TUBGCP5: variants seen among roughly 807,000 people sequenced by gnomAD.
The protein encoded by TUBGCP5 is gamma-tubulin complex component 5.
TUBGCP5 carries 98 observed loss-of-function variants against 134.7 expected under a neutral mutation model. The observed-to-expected ratio is 0.73, with a 90% CI of 0.62 to 0.86. The LOEUF is 0.86. TUBGCP5 is among the 40% of genes least tolerant of loss of function. TUBGCP5 has a pLI of 0.00. For missense variants in TUBGCP5, 1,150 were observed against 1,244.8 expected, an observed-to-expected ratio of 0.92 and a Z score of 1.15; for synonymous variants, 456 against 431.4, an observed-to-expected ratio of 1.06 and a Z score of -0.71.
At chr15:23,014,367 G>T (rs2065201457) in intron 13 of TUBGCP5, among the ~76,000 whole-genome samples, 1 of 152,204 alleles carries the variant, frequency 6.6e-6, no homozygotes, top group Non-Finnish European at 1.5e-5. Context: ...AGCCCCATAG[G>T]CAGCGCCTGG....
downstream of TUBGCP5, among the ~76,000 whole-genome samples, chr15:22,998,875 C>T (rs923012577): frequency 2.6e-5 from 4 of 152,154 alleles, no homozygotes; most frequent in African/African-American, 4.8e-5. Context: ...CCTCGGCCTC[C>T]CAAAGTGCTG....
Position 23,019,271 on chromosome 15 carries a change from A to G in TUBGCP5, c.1435T>C (p.Trp479Arg). The G allele has an allele frequency of 6.2e-7, 1 of 1,613,936 alleles. No individual in the cohort carries two copies. Among genetic ancestry groups the G allele is most frequent in the Non-Finnish European group, 8.5e-7 (1 of 1,179,966 alleles). ...TCCCACAGGTGCCCGTGCACGATCC[A>G]CTCGTCCACCGTCTGCAGGTAAGGC... ...VRPYLQTVDEWIVHGHLWDGA... is the reference protein window; with the variant it reads ...VRPYLQTVDERIVHGHLWDGA... Residue 479 changes from tryptophan (W) to arginine (R), a missense_variant, in exon 12 of 23, where the codon TGG becomes CGG. Around this residue, in one of 2 missense-constraint regions of TUBGCP5, gnomAD observed 697 missense variants for 850.1 expected, o/e 0.82. Coordinates refer to ENST00000615383, the MANE Select transcript of TUBGCP5 (RefSeq NM_052903.6).
intron 8 of TUBGCP5, among the ~76,000 whole-genome samples, chr15:23,025,760 G>A (rs1352509792): frequency 6.6e-6 from 1 of 151,652 alleles, no homozygotes; most frequent in African/African-American, 2.4e-5. Flanking sequence ...GAACCCAGGA[G>A]GTGAAGCTTG....
At chr15:22,984,988 G>C (rs112031307) in intron 23 of TUBGCP5, among the ~76,000 whole-genome samples, 102 of 152,248 alleles carry the variant, frequency 6.7e-4, no homozygotes, top group Middle Eastern at 3.4e-3. Context: ...CAGACAGAGA[G>C]TTTGTGTCCA....
At chr15:22,983,584 G>C (rs968301724) in exon 24 of TUBGCP5, 2 of 152,054 alleles carry the variant, frequency 1.3e-5, no homozygotes, top group African/African-American at 4.8e-5. Flanking sequence ...CTGGGCGATA[G>C]AGTGAGACTC....
At chr15:23,000,360 T>C in intron 22 of TUBGCP5, 1 of 1,295,502 alleles carries the variant, frequency 7.7e-7, no homozygotes, top group Non-Finnish European at 9.8e-7. Flanking sequence ...ATAAATGGTA[T>C]ACCAGAAAGT....
intron 1 of TUBGCP5, among the ~76,000 whole-genome samples, chr15:23,037,620 T>C (rs922972236): frequency 2.0e-5 from 3 of 152,240 alleles, no homozygotes; most frequent in African/African-American, 7.2e-5. Flanking sequence ...ATGTTATTTA[T>C]GAAAGTATTA....
intron 13 of TUBGCP5, among the ~76,000 whole-genome samples, chr15:23,012,284 G>C (rs2065083192): frequency 6.6e-6 from 1 of 151,970 alleles, no homozygotes; most frequent in Non-Finnish European, 1.5e-5. Context: ...ATTCCACAAA[G>C]TGAAAATAAG....
At chr15:23,037,569 CAGTTGTCAAATA>C (rs1478937396) in intron 1 of TUBGCP5, among the ~76,000 whole-genome samples, 1 of 152,122 alleles carries the variant, frequency 6.6e-6, no homozygotes, top group Admixed American at 6.5e-5. Flanking sequence ...TACTGAGATA[CAGTTGTCAAATA>C]TTTAAAGAAG....
Position 23,027,248 on chromosome 15 carries a change from G to A in TUBGCP5, c.681C>T (p.Ala227=). The A allele has an allele frequency of 6.2e-7, 1 of 1,614,012 alleles. No homozygotes were observed. The highest frequency in any genetic ancestry group is 8.5e-7 in the Non-Finnish European group (1 of 1,179,998). ...AACTATGAGGAAACTGGGAGGGCCTGGCTGTCCAGTACTGATGGACCACAT... is the reference window on the plus strand; with the variant it reads ...AACTATGAGGAAACTGGGAGGGCCTAGCTGTCCAGTACTGATGGACCACAT... ...EHHVVHQYWT[A]RPSQFPHSLH... Residue 227 remains alanine (A), a synonymous_variant, in exon 7 of 23, where the codon GCC becomes GCT. Transcript: ENST00000615383.
intron 13 of TUBGCP5, among the ~76,000 whole-genome samples, chr15:23,012,115 C>CAA (rs1210798007): frequency 0.13 from 10,757 of 80,670 alleles, 880 homozygotes; most frequent in East Asian, 0.5. Context: ...AAACCTGACT[C>CAA]AAAAAAAAAA....
At chr15:23,025,168 C>T (rs1196125654) in intron 8 of TUBGCP5, among the ~76,000 whole-genome samples, 4 of 152,140 alleles carry the variant, frequency 2.6e-5, no homozygotes, top group South Asian at 2.1e-4. Flanking sequence ...TCCCACAGCA[C>T]TGGGATTACA....
At chr15:22,983,194 T>C (rs1342436937) in exon 24 of TUBGCP5, 2 of 152,204 alleles carry the variant, frequency 1.3e-5, no homozygotes, top group Non-Finnish European at 2.9e-5. Flanking sequence ...CGCTTTGTAC[T>C]GAAGACTTCA....
Position 23,009,944 on chromosome 15 carries a change from C to T in TUBGCP5, c.2144+1G>A. ...CTTCCAAAATTAAATTACTCTTTTA[C>T]CTGTAATCTTTTTTTAGAGTTTGCA... On this transcript the variant is annotated splice_donor_variant, in intron 15 of 22. Coordinates refer to ENST00000615383, the MANE Select transcript of TUBGCP5 (RefSeq NM_052903.6). LOFTEE classifies it high-confidence loss of function. 5.0e-6 allele frequency: 8 copies of T among 1,610,984 alleles called. No homozygotes were observed. The highest frequency in any genetic ancestry group is 1.1e-5 in the South Asian group (1 of 90,862).
chr15:23,030,714 A>G (rs1385850896), intron 6 of TUBGCP5, among the ~76,000 whole-genome samples, 171 bp downstream of exon 6: 2 of 152,118 alleles, frequency 1.3e-5, no homozygotes, highest in South Asian at 2.1e-4. Flanking sequence ...ATTCTATAGT[A>G]CTACTACTTA....
Position 23,019,345 on chromosome 15 carries a change from G to A in TUBGCP5, c.1372-11C>T. On this transcript the variant is annotated splice_polypyrimidine_tract_variant and intron_variant, in intron 11 of 22. Transcript: ENST00000615383. ...GAAAAGGAGGGAGACCTGAGGCAGA[G>A]AGTGTGCACGGTCAGCTCTCAGGGT... 1 of 1,586,500 alleles carries A rather than the reference G, an allele frequency of 6.3e-7. No homozygotes were observed.
intron 14 of TUBGCP5, among the ~76,000 whole-genome samples, chr15:23,010,629 T>C (rs1386771996): frequency 3.9e-5 from 6 of 152,094 alleles, no homozygotes; most frequent in Admixed American, 6.5e-5. Context: ...ACAAACGACA[T>C]GGAATCCAAA....
intron 23 of TUBGCP5, among the ~76,000 whole-genome samples, chr15:22,989,393 G>A (rs2063780034): frequency 6.6e-6 from 1 of 152,112 alleles, no homozygotes; most frequent in African/African-American, 2.4e-5. Context: ...ATACCTTCTA[G>A]CAACACGAGG....
At chr15:23,004,868 C>T (rs1390741619) in intron 19 of TUBGCP5, among the ~76,000 whole-genome samples, 1 of 152,170 alleles carries the variant, frequency 6.6e-6, no homozygotes, top group Non-Finnish European at 1.5e-5. Context: ...CAGGTATAAA[C>T]AGGTCTAAAC....
Sources: gnomAD v4.1 joint callset for allele counts (sites outside exome capture counted in the v4.1 genomes callset) on GRCh38, gnomAD v4.1.1 for gene constraint, gnomAD v4.1.1 regional missense constraint, MANE v1.5 for transcripts, NCBI Gene and HGNC (gene_info 2026-07-23, HGNC 2026-07-21) for gene names.